The following ICE2 variants were observed in gnomAD, a reference collection of about 807,000 sequenced individuals.
The protein encoded by ICE2 is little elongation complex subunit 2.
Under a neutral mutation model 105.4 loss-of-function variants are expected in ICE2, and 87 were observed. The ratio of observed to expected loss-of-function variants is 0.83; its 90% CI spans 0.69 to 0.99. The LOEUF (loss-of-function observed/expected upper bound fraction) is 0.99. ICE2 is among the 50% of genes least tolerant of loss of function. ICE2 has a pLI of 0.00. For synonymous variants in ICE2, 399 were observed against 392.0 expected (o/e 1.02, Z -0.21); for missense variants, 1,323 against 1,146.7 (o/e 1.15, Z -2.22).
intron 12 of ICE2, chr15:60,442,121 C>T (rs1278569852): frequency 4.4e-6 from 1 of 229,498 alleles, no homozygotes; most frequent in African/African-American, 2.3e-5. Flanking sequence ...TAATGAGACC[C>T]CATCTCAAGA....
intron 1 of ICE2, 82 bp downstream of exon 1, chr15:60,478,921 C>T: frequency 2.2e-6 from 1 of 455,164 alleles, no homozygotes; most frequent in East Asian, 7.0e-5. Flanking sequence ...GTTCCCTCCT[C>T]CCGCCCCTGC....
intron 11 of ICE2, 122 bp from the exon 12 acceptor site, chr15:60,442,667 A>T: frequency 1.4e-6 from 1 of 713,908 alleles, no homozygotes; most frequent in African/African-American, 1.8e-5. Context: ...CATCCTTTCA[A>T]TTACAGCAGG....
In ICE2 at chr15:60,449,212, T is replaced by C; in HGVS notation, c.1755A>G (p.Lys585=). 6.2e-7 allele frequency: 1 copy of C among 1,614,084 alleles called. No homozygotes were observed. Among genetic ancestry groups the C allele is most frequent in the South Asian group, 1.1e-5 (1 of 91,076 alleles). Residue 585 remains lysine (K), a synonymous_variant, in exon 10 of 16, where the codon AAA becomes AAG. Coordinates refer to ENST00000261520, the MANE Select transcript of ICE2 (RefSeq NM_024611.6). The part of the protein sequence containing the change: ...EECLIIDTEC[K]NNSDGKTAVV... ...CAGCTGTCTTTCCATCACTATTATT[T>C]TTACATTCTGTATCAATGATTAAAC...
At chr15:60,429,782 T>A (rs887852925) in intron 14 of ICE2, among the ~76,000 whole-genome samples, 4 of 152,186 alleles carry the variant, frequency 2.6e-5, no homozygotes, top group Non-Finnish European at 4.4e-5. Flanking sequence ...TATTTCCATA[T>A]AAAGAAATGA....
In ICE2 at chr15:60,422,193, T is replaced by C. The variant is rs1029173942; in HGVS notation, c.*1441A>G. On this transcript the variant is annotated 3_prime_UTR_variant, in exon 16 of 16. Coordinates refer to ENST00000261520, the MANE Select transcript of ICE2 (RefSeq NM_024611.6). ...CTGATACTCAAGCTGAGTTCTGTGGTGCGATCACAACTCACTGTAGCCTTG... is the reference window on the plus strand; with the variant it reads ...CTGATACTCAAGCTGAGTTCTGTGGCGCGATCACAACTCACTGTAGCCTTG... 6.6e-6 allele frequency: 1 copy of C among 151,692 alleles called. No homozygotes were observed. The highest frequency in any genetic ancestry group is 2.4e-5 in the African/African-American group (1 of 41,288). The allele number at this position is 151,692 out of a possible 1,614,324, so 9.4% of individuals were successfully genotyped here.
chr15:60,436,000 A>C (rs550291956), intron 13 of ICE2, 143 bp downstream of exon 13: 7 of 433,364 alleles, frequency 1.6e-5, no homozygotes, highest in Non-Finnish European at 2.5e-5. Context: ...AAAAAGACAA[A>C]ACAAAACTGA....
At chr15:60,446,314 G>A (rs2063820779) in intron 11 of ICE2, among the ~76,000 whole-genome samples, 2 of 152,194 alleles carry the variant, frequency 1.3e-5, no homozygotes, top group South Asian at 4.1e-4. Flanking sequence ...TGTACATCCT[G>A]GATCTGGATG....
intron 9 of ICE2, chr15:60,451,490 T>A: frequency 1.0e-6 from 1 of 984,822 alleles, no homozygotes; most frequent in Non-Finnish European, 1.2e-6. Flanking sequence ...ACATTCCAAA[T>A]TGTTGGACCA....
At chr15:60,472,916 A>T (rs907583767) in intron 3 of ICE2, among the ~76,000 whole-genome samples, 1 of 152,136 alleles carries the variant, frequency 6.6e-6, no homozygotes, top group Non-Finnish European at 1.5e-5. Flanking sequence ...AAAAGTTCAA[A>T]TAAGTTGTTT....
rs763832495 is a variant in ICE2 at position 60,456,637 on chromosome 15, C to A, written c.666+20G>T. On this transcript the variant is annotated intron_variant, in intron 6 of 15. Coordinates refer to ENST00000261520, the MANE Select transcript of ICE2 (RefSeq NM_024611.6). ...ATTTCAGACAAAAAAAAGCTTATATCGTCTGATAATAAACCTTACCAATGC... is the reference window on the plus strand; with the variant it reads ...ATTTCAGACAAAAAAAAGCTTATATAGTCTGATAATAAACCTTACCAATGC... 2.0e-6 allele frequency: 3 copies of A among 1,481,628 alleles called. No homozygotes were observed. The highest frequency in any genetic ancestry group is 2.4e-5 in the South Asian group (2 of 82,768). 91.8% of individuals were successfully genotyped at this position (1,481,628 alleles called of 1,614,324 possible).
chr15:60,459,252 G>T (rs1566998156), intron 5 of ICE2, among the ~76,000 whole-genome samples: 2 of 152,122 alleles, frequency 1.3e-5, no homozygotes, highest in Admixed American at 1.3e-4. Flanking sequence ...ATATTTTTAT[G>T]AAACTCTAAA....
At chr15:60,461,567 T>TG in intron 5 of ICE2, among the ~76,000 whole-genome samples, 1 of 152,224 alleles carries the variant, frequency 6.6e-6, no homozygotes, top group East Asian at 1.9e-4. Flanking sequence ...TTAAAAAATG[T>TG]GGGGGAGAAT....
chr15:60,448,760 G>A, intron 10 of ICE2, 88 bp downstream of exon 10: 1 of 1,128,774 alleles, frequency 8.9e-7, no homozygotes, highest in Non-Finnish European at 1.3e-6. Flanking sequence ...TACAAAACAG[G>A]TTATGACAAA....
At chr15:60,452,818 A>G in intron 9 of ICE2, 2 of 967,854 alleles carry the variant, frequency 2.1e-6, no homozygotes, top group Non-Finnish European at 2.5e-6. Flanking sequence ...AGACACAGAG[A>G]TATTATGTAA....
Position 60,446,147 on chromosome 15 carries a change from T to A in ICE2, c.2295+1823A>T, listed in dbSNP as rs1379262716. On this transcript the variant is annotated intron_variant, in intron 11 of 15. Transcript: ENST00000261520. ...CAGTTTTCAATTAAAGCCATTTGGT[T>A]TCTAAAATTTCAAGTTTGAATCAAT... Among the ~76,000 whole-genome samples, 3 of 152,352 alleles carry A rather than the reference T, an allele frequency of 2.0e-5. No individual in the cohort carries two copies. In the East Asian group the frequency reaches 5.8e-4, roughly 29 times the overall value.
chr15:60,461,665 A>T (rs1007493955), intron 5 of ICE2, among the ~76,000 whole-genome samples: 4 of 152,184 alleles, frequency 2.6e-5, no homozygotes, highest in African/African-American at 9.7e-5. Flanking sequence ...GGCTGTTGTG[A>T]GTGTAATGTG....
intron 11 of ICE2, chr15:60,445,751 TTAAGAGATACC>T: frequency 1.0e-6 from 1 of 985,374 alleles, no homozygotes; most frequent in Non-Finnish European, 1.2e-6. Context: ...CTATTCTTAC[TTAAGAGATACC>T]GGCCATCAAC....
intron 9 of ICE2, 84 bp from the exon 10 acceptor site, chr15:60,449,925 T>C: frequency 2.1e-6 from 2 of 949,708 alleles, no homozygotes; most frequent in Non-Finnish European, 1.6e-6. Context: ...CTGTCATACA[T>C]ACTTCCTGCT....
intron 9 of ICE2, chr15:60,451,285 A>G (rs1228017847): frequency 1.4e-6 from 1 of 707,744 alleles, no homozygotes; most frequent in South Asian, 6.4e-5. Context: ...GACTACAAAG[A>G]TACACTTTTT....
Sources: gnomAD v4.1 joint callset for allele counts (sites outside exome capture counted in the v4.1 genomes callset) on GRCh38, gnomAD v4.1.1 for gene constraint, MANE v1.5 for transcripts, NCBI Gene and HGNC (gene_info 2026-07-23, HGNC 2026-07-21) for gene names.